Variants in DLGAP2 observed in about 807,000 individuals in gnomAD.
DLGAP2 encodes the protein DLG associated protein 2, also known as disks large-associated protein 2.
Under a neutral mutation model 100.3 loss-of-function variants are expected in DLGAP2, and 26 were observed. The ratio of observed to expected loss-of-function variants is 0.26; its 90% CI spans 0.19 to 0.36. The LOEUF is 0.36. Among genes scored for constraint, DLGAP2 ranks in the 10% least tolerant of loss-of-function variants. DLGAP2 has a pLI of 1.00. For synonymous variants in DLGAP2, 886 were observed against 630.1 expected (o/e 1.41, Z -6.08); for missense variants, 1,858 against 1,453.2 (o/e 1.28, Z -4.53).
chr8:831,399 T>A (rs1563054170), intron 1 of DLGAP2, among the ~76,000 whole-genome samples: 1 of 152,088 alleles, frequency 6.6e-6, no homozygotes, highest in Non-Finnish European at 1.5e-5. Flanking sequence ...CAGTGTGTGA[T>A]GTTCCCTGCC....
chr8:957,777 G>T (rs1799629427), intron 2 of DLGAP2, among the ~76,000 whole-genome samples: 1 of 152,186 alleles, frequency 6.6e-6, no homozygotes, highest in Non-Finnish European at 1.5e-5. Context: ...CATTTTAGAA[G>T]AAGGTGTAGG....
intron 2 of DLGAP2, among the ~76,000 whole-genome samples, chr8:951,601 A>T (rs575127273): frequency 6.6e-6 from 1 of 152,318 alleles, no homozygotes; most frequent in East Asian, 1.9e-4. Flanking sequence ...CTTGATAATT[A>T]TTGCGTTCAT....
chr8:1,662,017 A>C (rs536898845), intron 8 of DLGAP2, among the ~76,000 whole-genome samples: 38 of 152,342 alleles, frequency 2.5e-4, no homozygotes, highest in African/African-American at 9.1e-4. Context: ...GCTGTGCCAC[A>C]GCAAGACCTC....
chr8:1,272,380 A>G (rs1002377652), intron 3 of DLGAP2, among the ~76,000 whole-genome samples: 7 of 152,136 alleles, frequency 4.6e-5, no homozygotes, highest in Non-Finnish European at 1.0e-4. Context: ...GCTGGAAAAG[A>G]AAGTTTTTAT....
intron 2 of DLGAP2, among the ~76,000 whole-genome samples, chr8:1,099,751 C>T (rs921480499): frequency 2.8e-4 from 43 of 152,212 alleles, no homozygotes; most frequent in African/African-American, 1.0e-3. Flanking sequence ...TTAGTGTGTA[C>T]AGTATTTAGA....
intron 3 of DLGAP2, among the ~76,000 whole-genome samples, chr8:1,473,121 G>A (rs946104903): frequency 1.3e-5 from 2 of 152,206 alleles, no homozygotes; most frequent in African/African-American, 4.8e-5. Context: ...AGTAGAGACA[G>A]CATTTCACCA....
chr8:1,271,017 A>G (rs1203733910), intron 3 of DLGAP2, among the ~76,000 whole-genome samples: 4 of 152,162 alleles, frequency 2.6e-5, no homozygotes, highest in Non-Finnish European at 4.4e-5. Flanking sequence ...CAGAATTGTA[A>G]TGACGGATGA....
intron 3 of DLGAP2, among the ~76,000 whole-genome samples, chr8:1,445,690 A>T (rs372310936): frequency 6.6e-6 from 1 of 152,132 alleles, no homozygotes; most frequent in Middle Eastern, 3.2e-3. Context: ...GGTTGAACTA[A>T]TTTACAGTCC....
chr8:1,416,842 G>A (rs139366601), intron 3 of DLGAP2, among the ~76,000 whole-genome samples: 1 of 152,198 alleles, frequency 6.6e-6, no homozygotes, highest in Non-Finnish European at 1.5e-5. Context: ...GACATTTGTT[G>A]CAAAGCGTGA....
intron 3 of DLGAP2, among the ~76,000 whole-genome samples, chr8:1,482,956 A>G (rs898485749): frequency 2.0e-5 from 3 of 152,230 alleles, no homozygotes; most frequent in Non-Finnish European, 4.4e-5. Flanking sequence ...GCCCTCCCAC[A>G]GCCCGGCCAT....
At chr8:1,514,533 G>A (rs192877487) in intron 4 of DLGAP2, among the ~76,000 whole-genome samples, 1 of 152,366 alleles carries the variant, frequency 6.6e-6, no homozygotes, top group Non-Finnish European at 1.5e-5. Flanking sequence ...TTCAGTAAGA[G>A]CTACACATGT....
At chr8:834,229 C>G (rs889789141) in intron 1 of DLGAP2, among the ~76,000 whole-genome samples, 5 of 152,254 alleles carry the variant, frequency 3.3e-5, no homozygotes, top group African/African-American at 9.6e-5. Flanking sequence ...TAGAGCAGTG[C>G]TGGCTTTTGT....
chr8:1,268,131 T>A (rs1799505986), intron 3 of DLGAP2, among the ~76,000 whole-genome samples: 1 of 152,186 alleles, frequency 6.6e-6, no homozygotes, highest in Admixed American at 6.5e-5. Flanking sequence ...TCTTTCTTTT[T>A]AAGAAATAAT....
chr8:1,145,420 G>T (rs925143305), intron 2 of DLGAP2, among the ~76,000 whole-genome samples: 2 of 152,216 alleles, frequency 1.3e-5, no homozygotes, highest in Admixed American at 6.5e-5. Flanking sequence ...GGCTGAGCTG[G>T]TGTGTGGTGT....
intron 3 of DLGAP2, among the ~76,000 whole-genome samples, chr8:1,332,994 T>A (rs1043070657): frequency 6.6e-6 from 1 of 152,060 alleles, no homozygotes; most frequent in Non-Finnish European, 1.5e-5. Context: ...AGGCCCCCCT[T>A]CCTCGAATGG....
At chr8:760,749 C>A (rs558977644) in intron 1 of DLGAP2, among the ~76,000 whole-genome samples, 1 of 152,136 alleles carries the variant, frequency 6.6e-6, no homozygotes, top group African/African-American at 2.4e-5. Context: ...GCTTCGCGAG[C>A]GCCTCCGATT....
chr8:1,675,273 C>G (rs115875434), intron 10 of DLGAP2, among the ~76,000 whole-genome samples: 2,383 of 152,330 alleles, frequency 0.016, 57 homozygotes, highest in African/African-American at 0.054. Context: ...GCTCTGGGGT[C>G]AGAGAGATCC....
At chr8:1,072,693 A>G (rs546828283) in intron 2 of DLGAP2, among the ~76,000 whole-genome samples, 1 of 152,312 alleles carries the variant, frequency 6.6e-6, no homozygotes, top group East Asian at 1.9e-4. Context: ...CCTGGAGAAG[A>G]TGTGCTTCTT....
rs1193034637 is a variant in DLGAP2, at chr8:1,707,912, T to C, written c.*6506T>C. The C allele has an allele frequency of 6.6e-6, 1 of 152,662 alleles. No homozygotes were observed. The highest frequency in any genetic ancestry group is 6.5e-5 in the Admixed American group (1 of 15,284). 9.5% of individuals were successfully genotyped at this position (152,662 alleles called of 1,614,324 possible). A position where few individuals can be genotyped will look rare whatever the true frequency, so the allele number is the denominator to read the frequency against. Reference sequence around the variant, plus strand: ...TGTCATTCTCTTTCTCACGCTTTTATGGTTCTTTTGATAAATTCTATTTAG... The same window carrying C: ...TGTCATTCTCTTTCTCACGCTTTTACGGTTCTTTTGATAAATTCTATTTAG... On this transcript the variant is annotated 3_prime_UTR_variant, in exon 15 of 15. Coordinates refer to ENST00000637795, the MANE Select transcript of DLGAP2 (RefSeq NM_001346810.2).
Sources: gnomAD v4.1 joint callset for allele counts (sites outside exome capture counted in the v4.1 genomes callset) on GRCh38, gnomAD v4.1.1 for gene constraint, MANE v1.5 for transcripts, NCBI Gene and HGNC (gene_info 2026-07-23, HGNC 2026-07-21) for gene names.